The following PITPNM2 variants were observed in gnomAD, a reference collection of about 807,000 sequenced individuals.
PITPNM2 encodes the protein membrane-associated phosphatidylinositol transfer protein 2.
PITPNM2 carries 35 observed loss-of-function variants against 132.2 expected under a neutral mutation model. The ratio of observed to expected loss-of-function variants is 0.26; its 90% CI spans 0.20 to 0.35. The LOEUF (loss-of-function observed/expected upper bound fraction) is 0.35, where lower values mean the gene tolerates loss of function less well. Among genes scored for constraint, PITPNM2 ranks in the 10% least tolerant of loss-of-function variants. The pLI is 1.00. For synonymous variants in PITPNM2, 738 were observed against 799.2 expected (o/e 0.92, Z 1.29); for missense variants, 1,332 against 1,912.0 (o/e 0.70, Z 5.66).
rs574093332 is a variant in PITPNM2, at chr12:122,985,170, GAA to G, written c.*855_*856del. On this transcript the variant is annotated 3_prime_UTR_variant, in exon 26 of 26. Transcript: ENST00000320201. ...GTGTGGAGGGGCTGCTCTCAGTACT[GAA>G]AGAGTTAAGAAAAGGAAGCAGCCAA... 6.6e-6 allele frequency: 1 copy of G among 152,638 alleles called. No individual in the cohort carries two copies. The highest frequency in any genetic ancestry group is 2.1e-4 in the South Asian group (1 of 4,828). 9.5% of individuals were successfully genotyped at this position (152,638 alleles called of 1,614,324 possible).
chr12:123,010,506 A>G (rs2136234935), intron 5 of PITPNM2, among the ~76,000 whole-genome samples: 1 of 152,352 alleles, frequency 6.6e-6, no homozygotes, highest in East Asian at 1.9e-4. Flanking sequence ...TGAAGAATAC[A>G]GGGTGGGAGG....
rs545107869 is a variant in PITPNM2, at chr12:123,077,013, A to G, written c.-96+33372T>C. 2.7e-3 allele frequency among the ~76,000 whole-genome samples: 414 copies of G among 152,246 alleles called. 7 individuals carry two copies. The South Asian group carries it at 0.034, about 12-fold the overall frequency. ...CCCCGGGCTGCGCTGCTGAGGGGTT[A>G]GCCTCACAGATTCCCTCTGGGAAAG... On this transcript the variant is annotated intron_variant, in intron 2 of 25. Coordinates refer to ENST00000320201, the MANE Select transcript of PITPNM2 (RefSeq NM_020845.3). This position sits in a 1 kb window ranked among gnomAD's most constrained non-coding sequence, Gnocchi z 4.8.
chr12:123,147,450 C>T (rs889636442), intron 1 of PITPNM2, among the ~76,000 whole-genome samples: 1 of 152,136 alleles, frequency 6.6e-6, no homozygotes, highest in African/African-American at 2.4e-5. Context: ...GCGCACACCA[C>T]CACGCCCAGC....
At position 122,994,470 on chromosome 12, in the gene PITPNM2, G is replaced by T. The variant is rs2038330785; in HGVS notation, c.2233+331C>A. ...GGCCTCTGCATCTCTCCCTATGGGA[G>T]GACCTTGGACCTGGGAGGCTGGGTC... On this transcript the variant is annotated intron_variant, in intron 15 of 25. Transcript: ENST00000320201. This position sits in a 1 kb window ranked among gnomAD's most constrained non-coding sequence, Gnocchi z 5.4. 2.0e-5 allele frequency among the ~76,000 whole-genome samples: 3 copies of T among 152,286 alleles called. No individual in the cohort carries two copies. The highest frequency in any genetic ancestry group is 7.2e-5 in the African/African-American group (3 of 41,544).
chr12:123,099,073 T>C lies in PITPNM2; in HGVS notation c.-96+11312A>G, dbSNP rs1052272942. ...AGCTGCACTCTGTGCCTCCCTTCTG[T>C]GCATGTGCTATGCATTCTAACATGT... On this transcript the variant is annotated intron_variant, in intron 2 of 25. Coordinates refer to ENST00000320201, the MANE Select transcript of PITPNM2 (RefSeq NM_020845.3). The surrounding 1 kb of genome is among the most constrained non-coding windows in gnomAD (Gnocchi z 4.2). Among the ~76,000 whole-genome samples the C allele has an allele frequency of 9.9e-5, 15 of 152,238 alleles. No individual in the cohort carries two copies. Among genetic ancestry groups the C allele is most frequent in the Admixed American group, 9.2e-4 (14 of 15,290 alleles).
Position 123,005,497 on chromosome 12 carries a change from T to C in PITPNM2, c.695A>G (p.Asp232Gly). 1 of 1,613,756 alleles carries C rather than the reference T, an allele frequency of 6.2e-7. No individual in the cohort carries two copies. Among genetic ancestry groups the C allele is most frequent in the Non-Finnish European group, 8.5e-7 (1 of 1,179,980 alleles). The change falls in exon 7 of 26, where the codon GAC (aspartate) becomes GGC (glycine). Residue 232 changes from aspartate to glycine, a missense_variant. Physicochemically the swap from Asp to Gly is moderately conservative, Grantham distance 94 (BLOSUM62 -1). Coordinates refer to ENST00000320201, the MANE Select transcript of PITPNM2 (RefSeq NM_020845.3). The surrounding 1 kb of genome is among the most constrained non-coding windows in gnomAD (Gnocchi z 6.2). ...CTCCATGCTCAGCCCATACCACTCG[T>C]CCTGCCAGCACCAGGCCTGCCGGTG... The part of the protein sequence containing the change: ...RAHRQAWCWQ[D>G]EWYGLSMENI...
At position 123,099,942 on chromosome 12, in the gene PITPNM2, G is replaced by A. The variant is rs537267605; in HGVS notation, c.-96+10443C>T. 6.6e-6 allele frequency among the ~76,000 whole-genome samples: 1 copy of A among 152,308 alleles called. No homozygotes were observed. The highest frequency in any genetic ancestry group is 2.1e-4 in the South Asian group (1 of 4,830). Reference sequence around the variant, plus strand: ...ATCCACAGAAAACACCACTAACAGAGCACCCAGGTGTGCAGGCATCCATGC... The same window carrying A: ...ATCCACAGAAAACACCACTAACAGAACACCCAGGTGTGCAGGCATCCATGC... On this transcript the variant is annotated intron_variant, in intron 2 of 25. Coordinates refer to ENST00000320201, the MANE Select transcript of PITPNM2 (RefSeq NM_020845.3). This position sits in a 1 kb window ranked among gnomAD's most constrained non-coding sequence, Gnocchi z 4.2.
chr12:123,139,736 G>C (rs2043462771), intron 1 of PITPNM2, among the ~76,000 whole-genome samples: 1 of 152,140 alleles, frequency 6.6e-6, no homozygotes, highest in African/African-American at 2.4e-5. Flanking sequence ...AGACTATAGT[G>C]AGAGTAGGAA....
At chr12:123,060,779 T>A (rs1433490505) in intron 2 of PITPNM2, among the ~76,000 whole-genome samples, 1 of 152,052 alleles carries the variant, frequency 6.6e-6, no homozygotes, top group East Asian at 1.9e-4. Context: ...TCCTTATAGG[T>A]CACCACCTAA....
chr12:123,135,262 A>G (rs1456493612), intron 1 of PITPNM2, among the ~76,000 whole-genome samples: 1 of 152,154 alleles, frequency 6.6e-6, no homozygotes, highest in African/African-American at 2.4e-5. Context: ...TTCAGGTTCC[A>G]TTTTTTTAAA....
In PITPNM2 at chr12:122,995,640, C is replaced by G. The variant is rs755605102; in HGVS notation, c.1803G>C (p.Pro601=). 1 of 1,599,600 alleles carries G rather than the reference C, an allele frequency of 6.3e-7. No homozygotes were observed. Among genetic ancestry groups the G allele is most frequent in the South Asian group, 1.1e-5 (1 of 90,434 alleles). Residue 601 remains proline (P), a synonymous_variant, in exon 14 of 26, where the codon CCG becomes CCC. Transcript: ENST00000320201. The part of the protein sequence containing the change: ...VSMQDNDLLS[P]GILMNAAHCC... ...AGTGTGCTGCATTCATCAGGATGCC[C>G]GGGGACAGCAGGTCATTGTCCTGGA...
chr12:123,069,230 G>A (rs1167938499), intron 2 of PITPNM2, among the ~76,000 whole-genome samples: 2 of 150,148 alleles, frequency 1.3e-5, no homozygotes, highest in African/African-American at 4.9e-5. Flanking sequence ...CTGGACAACA[G>A]AGTAAGACCT....
chr12:123,075,361 G>T (rs1036389283), intron 2 of PITPNM2, among the ~76,000 whole-genome samples: 2 of 152,246 alleles, frequency 1.3e-5, no homozygotes, highest in African/African-American at 4.8e-5. Flanking sequence ...CTGAGTCCCA[G>T]AATCTCTGAC....
intron 17 of PITPNM2, 56 bp downstream of exon 17, chr12:122,990,489 C>T: frequency 6.3e-7 from 1 of 1,597,920 alleles, no homozygotes; most frequent in Non-Finnish European, 8.5e-7. Context: ...CAGCTGTCCC[C>T]TGTGGGCACA....
chr12:123,068,316 A>C (rs1284610751), intron 2 of PITPNM2, among the ~76,000 whole-genome samples: 1 of 151,928 alleles, frequency 6.6e-6, no homozygotes, highest in African/African-American at 2.4e-5. Context: ...AAATACAAAA[A>C]ATTAGCCGGG....
Position 122,995,570 on chromosome 12 carries a change from CACT to C in PITPNM2, c.1870_1872del (p.Ser624del). ...GAGCCACCACTACTGCCACCACCAC[CACT>C]GCTGCCACCACCGCCACCGCCGCCA... On this transcript the variant is annotated inframe_deletion, in exon 14 of 26. Coordinates refer to ENST00000320201, the MANE Select transcript of PITPNM2 (RefSeq NM_020845.3). 6.2e-7 allele frequency: 1 copy of C among 1,607,432 alleles called. No homozygotes were observed. Among genetic ancestry groups the C allele is most frequent in the Non-Finnish European group, 8.5e-7 (1 of 1,179,754 alleles).
chr12:122,988,014 C>T, intron 20 of PITPNM2, 113 bp from the exon 21 acceptor site: 2 of 1,029,028 alleles, frequency 1.9e-6, no homozygotes, highest in Non-Finnish European at 1.5e-6. Flanking sequence ...AGCTGCGCAG[C>T]CCATGTCTGA....
Position 122,985,693 on chromosome 12 carries a change from C to T in PITPNM2, c.*334G>A, listed in dbSNP as rs147460794. ...CAGTGGATGGGGAGGTGGCAGGCTGCGCCTGGGCCCACACCTGGCACCAGG... is the reference window on the plus strand; with the variant it reads ...CAGTGGATGGGGAGGTGGCAGGCTGTGCCTGGGCCCACACCTGGCACCAGG... On this transcript the variant is annotated 3_prime_UTR_variant, in exon 26 of 26. Transcript: ENST00000320201. 144 of 262,636 alleles carry T rather than the reference C, an allele frequency of 5.5e-4. 1 individual carries two copies. The East Asian group carries it at 9.6e-3, about 18-fold the overall frequency. 16.3% of individuals were successfully genotyped at this position (262,636 alleles called of 1,614,324 possible).
At chr12:123,084,710 C>T (rs1014568869) in intron 2 of PITPNM2, 2 of 152,186 alleles carry the variant, frequency 1.3e-5, no homozygotes, top group Non-Finnish European at 2.9e-5. Flanking sequence ...TTCCACTCCC[C>T]TTCCCCAAAA....
Sources: allele counts gnomAD v4.1 joint callset (sites outside exome capture counted in the v4.1 genomes callset), GRCh38; gene constraint gnomAD v4.1.1; non-coding constraint Gnocchi (gnomAD v3.1); transcripts MANE v1.5; gene names NCBI Gene and HGNC (gene_info 2026-07-23, HGNC 2026-07-21).